NETO1: variants seen among roughly 807,000 people sequenced by gnomAD.
NETO1 encodes neuropilin and tolloid like 1.
NETO1 carries 26 observed loss-of-function variants against 61.3 expected under a neutral mutation model. That is an observed-to-expected ratio of 0.42 (90% CI 0.31 to 0.59). The LOEUF is 0.59. NETO1 is among the 20% of genes least tolerant of loss of function. The pLI, the probability that NETO1 is intolerant of heterozygous loss-of-function variation, is 0.12. For synonymous variants in NETO1, 225 were observed against 225.8 expected (o/e 1.00, Z 0.03); for missense variants, 531 against 662.8 (o/e 0.80, Z 2.18).
At chr18:72,857,717 G>T (rs1418861531) in intron 4 of NETO1, among the ~76,000 whole-genome samples, 1 of 152,096 alleles carries the variant, frequency 6.6e-6, no homozygotes, top group Non-Finnish European at 1.5e-5. Context: ...TGTAGCACAT[G>T]AAATACCCAT....
chr18:72,791,964 T>C (rs1172499140), intron 6 of NETO1, among the ~76,000 whole-genome samples: 1 of 152,178 alleles, frequency 6.6e-6, no homozygotes, highest in Non-Finnish European at 1.5e-5. Flanking sequence ...CAATTAACTT[T>C]AAGATTTGTT....
intron 8 of NETO1, among the ~76,000 whole-genome samples, 181 bp downstream of exon 8, chr18:72,755,853 T>A (rs1477788813): frequency 1.3e-5 from 2 of 152,078 alleles, no homozygotes; most frequent in Non-Finnish European, 2.9e-5. Context: ...TAACGGAACA[T>A]CTGGACAGAG....
intron 4 of NETO1, among the ~76,000 whole-genome samples, chr18:72,851,166 C>T (rs1416203308): frequency 6.6e-6 from 1 of 152,046 alleles, no homozygotes; most frequent in Non-Finnish European, 1.5e-5. Flanking sequence ...AATCCCACCA[C>T]TTTGGGAAGC....
chr18:72,758,813 G>A (rs1027702920), intron 7 of NETO1, among the ~76,000 whole-genome samples: 9 of 152,084 alleles, frequency 5.9e-5, no homozygotes, highest in Non-Finnish European at 1.2e-4. Flanking sequence ...TCCAGCCTGG[G>A]TCTGGGTGAC....
intron 4 of NETO1, chr18:72,834,351 G>A (rs1325487293): frequency 1.1e-6 from 1 of 911,606 alleles, no homozygotes; most frequent in African/African-American, 1.8e-5. Flanking sequence ...GAAAGGAAAA[G>A]AGACATTAAA....
rs8085819 is a variant in NETO1 at position 72,822,709 on chromosome 18, T to C, written c.470-28305A>G. Reference sequence around the variant, plus strand: ...TGTTTTCAAAACAAGTGGATTGTCATAGGAATAAAAGCTGAAGACTTCACT... The same window carrying C: ...TGTTTTCAAAACAAGTGGATTGTCACAGGAATAAAAGCTGAAGACTTCACT... On this transcript the variant is annotated intron_variant, in intron 4 of 10. Coordinates refer to ENST00000327305, the MANE Select transcript of NETO1 (RefSeq NM_138966.5). Among the ~76,000 whole-genome samples the C allele has an allele frequency of 4.7e-4, 72 of 152,314 alleles. 1 individual carries two copies. Among genetic ancestry groups the C allele is most frequent in the African/African-American group, 1.7e-3 (70 of 41,572 alleles).
chr18:72,799,661 A>G, intron 4 of NETO1, among the ~76,000 whole-genome samples: 1 of 152,244 alleles, frequency 6.6e-6, no homozygotes, highest in East Asian at 1.9e-4. Flanking sequence ...ACTATCAACC[A>G]CATTAAAGTA....
intron 7 of NETO1, among the ~76,000 whole-genome samples, chr18:72,780,500 T>C (rs2071699593): frequency 6.6e-6 from 1 of 152,214 alleles, no homozygotes; most frequent in Admixed American, 6.5e-5. Flanking sequence ...CTTAATCTAT[T>C]TTCCGATTGA....
At chr18:72,797,480 T>G (rs376639196) in intron 4 of NETO1, among the ~76,000 whole-genome samples, 2 of 152,202 alleles carry the variant, frequency 1.3e-5, no homozygotes, top group East Asian at 1.9e-4. Flanking sequence ...AAAAACAGCC[T>G]AAATTGAACT....
rs368167959 is a variant in NETO1 at position 72,854,012 on chromosome 18, CAT to C, written c.469+4812_469+4813del. Among the ~76,000 whole-genome samples the C allele has an allele frequency of 3.9e-4, 60 of 152,194 alleles. No individual in the cohort carries two copies. In the East Asian group the frequency reaches 0.01, roughly 26 times the overall value. ...ATATTGCACCGAATATTTGAAATAA[CAT>C]TGAATCCATGACAATATTTTATTTT... On this transcript the variant is annotated intron_variant, in intron 4 of 10. Coordinates refer to ENST00000327305, the MANE Select transcript of NETO1 (RefSeq NM_138966.5).
intron 4 of NETO1, among the ~76,000 whole-genome samples, chr18:72,795,649 G>A (rs902463375): frequency 2.6e-5 from 4 of 152,012 alleles, no homozygotes; most frequent in Non-Finnish European, 5.9e-5. Flanking sequence ...GGTGTACAAT[G>A]TGATGTTTTG....
chr18:72,771,497 C>G (rs1385193588), intron 7 of NETO1, among the ~76,000 whole-genome samples: 2 of 152,022 alleles, frequency 1.3e-5, no homozygotes, highest in African/African-American at 4.8e-5. Flanking sequence ...GAGAAGCAAC[C>G]ATCATATTCA....
chr18:72,767,132 G>A (rs1010061801), intron 7 of NETO1, among the ~76,000 whole-genome samples: 7 of 152,108 alleles, frequency 4.6e-5, no homozygotes, highest in African/African-American at 1.7e-4. Context: ...GTCCCACAAA[G>A]GGGGCCTGCA....
At position 72,830,384 on chromosome 18, in the gene NETO1, C is replaced by A. The variant is rs1025200194; in HGVS notation, c.469+28442G>T. Among the ~76,000 whole-genome samples the A allele has an allele frequency of 3.9e-5, 6 of 152,134 alleles. No individual in the cohort carries two copies. The highest frequency in any genetic ancestry group is 1.4e-4 in the African/African-American group (6 of 41,428). ...GGCAGGGAGGCCACAACTTCAGAGA[C>A]ATCAGTAGCGCCACATGTGTTTTCA... On this transcript the variant is annotated intron_variant, in intron 4 of 10. Coordinates refer to ENST00000327305, the MANE Select transcript of NETO1 (RefSeq NM_138966.5). This position sits in a 1 kb window ranked among gnomAD's most constrained non-coding sequence, Gnocchi z 4.9.
intron 6 of NETO1, among the ~76,000 whole-genome samples, chr18:72,792,071 A>T (rs2072137829): frequency 6.6e-6 from 1 of 152,184 alleles, no homozygotes; most frequent in Non-Finnish European, 1.5e-5. Context: ...CCACATTTCC[A>T]CTTTATGTGC....
chr18:72,812,939 TAAAG>T (rs1229691353), intron 4 of NETO1, among the ~76,000 whole-genome samples: 1 of 152,190 alleles, frequency 6.6e-6, no homozygotes, highest in Admixed American at 6.5e-5. Context: ...GGATTTACTT[TAAAG>T]TAATAAAAGA....
At chr18:72,862,562 A>T (rs1568275607) in intron 3 of NETO1, among the ~76,000 whole-genome samples, 1 of 151,748 alleles carries the variant, frequency 6.6e-6, no homozygotes, top group Admixed American at 6.6e-5. Flanking sequence ...ATATTAGAAC[A>T]GTCCCAGGAT....
intron 4 of NETO1, among the ~76,000 whole-genome samples, chr18:72,808,721 T>G (rs1463975743): frequency 6.6e-6 from 1 of 152,216 alleles, no homozygotes; most frequent in African/African-American, 2.4e-5. Context: ...AGACCTTTTG[T>G]GCTCCCAGTG....
At chr18:72,766,193 G>A (rs2071149195) in intron 7 of NETO1, among the ~76,000 whole-genome samples, 1 of 148,774 alleles carries the variant, frequency 6.7e-6, no homozygotes. Flanking sequence ...GTGACAGAGT[G>A]AGACTCAGTC....
Sources: gnomAD v4.1 joint callset for allele counts (sites outside exome capture counted in the v4.1 genomes callset) on GRCh38, gnomAD v4.1.1 for gene constraint, Gnocchi (gnomAD v3.1) non-coding constraint, MANE v1.5 for transcripts, NCBI Gene and HGNC (gene_info 2026-07-23, HGNC 2026-07-21) for gene names.